PCDH15: variants seen among roughly 807,000 people sequenced by gnomAD.
PCDH15 encodes the protein protocadherin related 15, also known as protocadherin-15.
In PCDH15, 129 loss-of-function variants were observed where a neutral mutation model predicts 178.5. The ratio of observed to expected loss-of-function variants is 0.72; its 90% confidence interval spans 0.63 to 0.84. PCDH15 has a LOEUF of 0.84. PCDH15 is among the 40% of genes least tolerant of loss of function. The probability of loss-of-function intolerance (pLI) is 0.00; values close to 1 mark genes in which losing one functional copy is unlikely to be tolerated. For synonymous variants in PCDH15, 800 were observed against 732.0 expected, an observed-to-expected ratio of 1.09 and a Z score of -1.50; for missense variants, 2,230 against 2,099.9, an observed-to-expected ratio of 1.06 and a Z score of -1.21.
intron 28 of PCDH15, among the ~76,000 whole-genome samples, chr10:53,853,415 AGATG>A (rs1250744660): frequency 6.6e-6 from 1 of 151,316 alleles, no homozygotes; most frequent in African/African-American, 2.5e-5. Context: ...AAAAATAGAC[AGATG>A]GACTACCTCT....
chr10:55,010,968 A>T (rs763583304), intron 2 of PCDH15, among the ~76,000 whole-genome samples: 19 of 152,110 alleles, frequency 1.2e-4, no homozygotes, highest in Non-Finnish European at 2.2e-4. Context: ...CAAGATTAAT[A>T]CTTTCAACCC....
At chr10:54,418,211 G>C (rs1162742479) in intron 3 of PCDH15, among the ~76,000 whole-genome samples, 1 of 152,040 alleles carries the variant, frequency 6.6e-6, no homozygotes. Flanking sequence ...GTACTTGAAT[G>C]GTACAGCTGA....
rs1184582851 is a variant in PCDH15 at position 54,242,165 on chromosome 10, TATATATATATATATATATATATAC to T, written c.877-5258_877-5235del. ...ATATATATATATATATATATATATA[TATATATATATATATATATATATAC>T]ACACACACACATACATACATACACA... On this transcript the variant is annotated intron_variant, in intron 8 of 37. Coordinates refer to ENST00000644397, the MANE Select transcript of PCDH15 (RefSeq NM_001384140.1). Among the ~76,000 whole-genome samples the T allele has an allele frequency of 2.3e-4, 24 of 102,358 alleles. 1 individual carries two copies. The highest frequency in any genetic ancestry group is 8.0e-4 in the African/African-American group (18 of 22,632). The allele number at this position is 102,358 out of a possible 152,430, so 67.2% of individuals were successfully genotyped here.
At chr10:54,050,510 A>G (rs769547931) in intron 18 of PCDH15, among the ~76,000 whole-genome samples, 14 of 152,038 alleles carry the variant, frequency 9.2e-5, no homozygotes, top group Admixed American at 5.9e-4. Context: ...CGAAGAACCA[A>G]CTTTTGGTTT....
chr10:55,235,212 C>A (rs1451921703), intron 1 of PCDH15, among the ~76,000 whole-genome samples: 1 of 151,966 alleles, frequency 6.6e-6, no homozygotes, highest in Non-Finnish European at 1.5e-5. Context: ...GTAAGTCAAA[C>A]GAGGACATGA....
rs139497778 is a variant in PCDH15, at chr10:55,126,248, C to T, written c.-80+40328G>A. 8.2e-3 allele frequency among the ~76,000 whole-genome samples: 1,245 copies of T among 152,176 alleles called. 15 individuals are homozygous for T. Among genetic ancestry groups the T allele is most frequent in the African/African-American group, 0.027 (1,125 of 41,530 alleles). On this transcript the variant is annotated intron_variant, in intron 2 of 5. Coordinates refer to the PCDH15 transcript ENST00000458638. ...CCCACCCTTTCCTAAGCACATCTTTCTCACTGGACAATACTCCCTCATAAG... is the reference window on the plus strand; with the variant it reads ...CCCACCCTTTCCTAAGCACATCTTTTTCACTGGACAATACTCCCTCATAAG...
chr10:55,421,006 A>T (rs1432168517), intron 2 of PCDH15, among the ~76,000 whole-genome samples: 1 of 151,770 alleles, frequency 6.6e-6, no homozygotes, highest in Non-Finnish European at 1.5e-5. Context: ...ATTTATGGTA[A>T]ATAGACAAAG....
intron 1 of PCDH15, among the ~76,000 whole-genome samples, chr10:55,210,330 C>T (rs901468515): frequency 6.6e-6 from 1 of 151,728 alleles, no homozygotes; most frequent in African/African-American, 2.4e-5. Context: ...AAGTTTTTAA[C>T]CCCAGAAAAT....
intron 3 of PCDH15, among the ~76,000 whole-genome samples, chr10:54,816,787 T>G (rs1564534406): frequency 6.6e-6 from 1 of 152,106 alleles, no homozygotes; most frequent in Non-Finnish European, 1.5e-5. Context: ...ATATTTTTTA[T>G]ATAGTTACAG....
intron 18 of PCDH15, among the ~76,000 whole-genome samples, chr10:54,047,576 T>C (rs10763058): frequency 0.8 from 121,117 of 151,740 alleles, 48,877 homozygotes; most frequent in African/African-American, 0.91. Context: ...TCCCCCAGTC[T>C]CTTCTCTAGT....
rs7907872 is a variant in PCDH15, at chr10:55,295,380, T to C, written c.-156+24219A>G. Among the ~76,000 whole-genome samples the C allele has an allele frequency of 1.6e-3, 249 of 152,362 alleles. 1 individual carries two copies. Among genetic ancestry groups the C allele is most frequent in the African/African-American group, 5.9e-3 (245 of 41,596 alleles). Reference sequence around the variant, plus strand: ...AGCCTTGCGCACTTCCACAAATCCATGCACAGAAAGTCAGGCTCAGGCCAA... The same window carrying C: ...AGCCTTGCGCACTTCCACAAATCCACGCACAGAAAGTCAGGCTCAGGCCAA... On this transcript the variant is annotated intron_variant, in intron 1 of 5. Transcript: ENST00000458638.
chr10:54,145,959 A>G (rs2043866051), intron 14 of PCDH15, among the ~76,000 whole-genome samples: 1 of 152,048 alleles, frequency 6.6e-6, no homozygotes, highest in South Asian at 2.1e-4. Context: ...TTGCCCAGGT[A>G]AAACTGCACT....
intron 2 of PCDH15, among the ~76,000 whole-genome samples, chr10:55,564,220 C>A (rs1437613782): frequency 6.6e-6 from 1 of 151,462 alleles, no homozygotes; most frequent in Admixed American, 6.6e-5. Flanking sequence ...AATGTATAGA[C>A]ATAATTTTGT....
intron 6 of PCDH15, among the ~76,000 whole-genome samples, chr10:54,332,342 A>G: frequency 1.3e-5 from 1 of 79,734 alleles, no homozygotes; most frequent in East Asian, 2.5e-4. Flanking sequence ...ATATATTATT[A>G]TATATAATAT....
At chr10:53,934,597 C>CAAAA (rs201193553) in intron 25 of PCDH15, among the ~76,000 whole-genome samples, 8 of 121,374 alleles carry the variant, frequency 6.6e-5, no homozygotes, top group African/African-American at 1.7e-4. Context: ...GACTCTGTCT[C>CAAAA]AAAAAAAAAA....
At chr10:54,822,875 T>C (rs948364784) in intron 3 of PCDH15, among the ~76,000 whole-genome samples, 1 of 151,794 alleles carries the variant, frequency 6.6e-6, no homozygotes, top group African/African-American at 2.4e-5. Context: ...CATTTTAATA[T>C]AATATATTTA....
At chr10:53,833,350 A>C (rs748968289) in intron 29 of PCDH15, among the ~76,000 whole-genome samples, 4 of 152,072 alleles carry the variant, frequency 2.6e-5, no homozygotes, top group Non-Finnish European at 5.9e-5. Context: ...TTCACTTATC[A>C]ATGTGATGTC....
chr10:54,502,607 G>A (rs932983119), intron 3 of PCDH15, among the ~76,000 whole-genome samples: 4 of 152,114 alleles, frequency 2.6e-5, no homozygotes, highest in Admixed American at 2.6e-4. Flanking sequence ...ATGACACAGA[G>A]TTTATGGTTT....
chr10:54,370,056 C>T (rs1947417388), intron 4 of PCDH15, among the ~76,000 whole-genome samples: 1 of 151,944 alleles, frequency 6.6e-6, no homozygotes, highest in Non-Finnish European at 1.5e-5. Context: ...TATACATAAG[C>T]ATATGCTTAC....
Sources: allele counts gnomAD v4.1 joint callset (sites outside exome capture counted in the v4.1 genomes callset), GRCh38; gene constraint gnomAD v4.1.1; transcripts MANE v1.5; gene names NCBI Gene and HGNC (gene_info 2026-07-23, HGNC 2026-07-21).